Variants in LINGO2 observed in about 807,000 individuals in gnomAD.
The protein encoded by LINGO2 is leucine rich repeat and Ig domain containing 2, also known as leucine-rich repeat and immunoglobulin-like domain-containing nogo receptor-interacting protein 2.
LINGO2 carries 14 observed loss-of-function variants against 30.6 expected under a neutral mutation model. The ratio of observed to expected loss-of-function variants is 0.46; its 90% confidence interval spans 0.30 to 0.72. LINGO2 has a LOEUF of 0.72. Among genes scored for constraint, LINGO2 ranks in the 30% least tolerant of loss-of-function variants. LINGO2 has a pLI of 0.07. For synonymous variants in LINGO2, 317 were observed against 288.5 expected (o/e 1.10, Z -1.00); for missense variants, 729 against 751.7 (o/e 0.97, Z 0.35).
chr9:29,014,466 A>G, the LINGO2 span, among the ~76,000 whole-genome samples: 2 of 152,124 alleles, frequency 1.3e-5, no homozygotes, highest in Admixed American at 6.6e-5. Context: ...AGTCTTCAAA[A>G]CACTTTTAGA....
intron 1 of LINGO2, among the ~76,000 whole-genome samples, chr9:28,534,578 A>T (rs7047452): frequency 0.034 from 5,167 of 152,132 alleles, 249 homozygotes; most frequent in African/African-American, 0.11. Flanking sequence ...TTTTCTTTCT[A>T]AGAAAACTTT....
At chr9:28,319,680 T>G (rs576843788) in intron 3 of LINGO2, among the ~76,000 whole-genome samples, 7 of 151,980 alleles carry the variant, frequency 4.6e-5, no homozygotes, top group Non-Finnish European at 8.8e-5. Context: ...AGGCAGAAAA[T>G]AGATTGGTTG....
chr9:28,101,028 T>G (rs1426836438), intron 4 of LINGO2, among the ~76,000 whole-genome samples: 1 of 152,068 alleles, frequency 6.6e-6, no homozygotes, highest in Non-Finnish European at 1.5e-5. Context: ...TTTGAATATC[T>G]TCTAAAATTA....
intron 1 of LINGO2, among the ~76,000 whole-genome samples, chr9:28,666,972 G>C (rs980990613): frequency 2.8e-4 from 43 of 151,984 alleles, no homozygotes; most frequent in Non-Finnish European, 5.9e-4. Context: ...AAAACATATA[G>C]CTTAAAAAGT....
chr9:29,163,347 C>T, the LINGO2 span, among the ~76,000 whole-genome samples: 2 of 152,194 alleles, frequency 1.3e-5, no homozygotes, highest in Non-Finnish European at 2.9e-5. Flanking sequence ...TCAATATTAA[C>T]TCTTCCTTTG....
the LINGO2 span, among the ~76,000 whole-genome samples, chr9:28,824,204 AGGGG>A: frequency 1.3e-5 from 2 of 152,176 alleles, no homozygotes; most frequent in Non-Finnish European, 2.9e-5. Context: ...CTGGGAATAT[AGGGG>A]GAGAACTTAA....
At chr9:28,028,431 G>T (rs1406422862) in intron 4 of LINGO2, among the ~76,000 whole-genome samples, 1 of 152,066 alleles carries the variant, frequency 6.6e-6, no homozygotes, top group Non-Finnish European at 1.5e-5. Context: ...TATAAAAGGT[G>T]GAAGTAGGAT....
intron 1 of LINGO2, among the ~76,000 whole-genome samples, chr9:28,514,976 T>C (rs961811832): frequency 6.6e-6 from 1 of 151,836 alleles, no homozygotes; most frequent in African/African-American, 2.4e-5. Flanking sequence ...CATCTGTTTA[T>C]AGCATGGTTA....
At chr9:28,812,350 A>AT in the LINGO2 span, among the ~76,000 whole-genome samples, 1 of 152,242 alleles carries the variant, frequency 6.6e-6, no homozygotes, top group Non-Finnish European at 1.5e-5. Context: ...ATGTATCTAA[A>AT]TTTTTTAAAA....
At chr9:28,137,198 GACACACACACAC>G (rs3064725) in intron 4 of LINGO2, among the ~76,000 whole-genome samples, 3 of 148,104 alleles carry the variant, frequency 2.0e-5, no homozygotes, top group Non-Finnish European at 3.0e-5. Context: ...GAAAATCCCT[GACACACACACAC>G]ACACACACAC....
At chr9:29,192,565 T>C in the LINGO2 span, among the ~76,000 whole-genome samples, 1 of 152,110 alleles carries the variant, frequency 6.6e-6, no homozygotes, top group Non-Finnish European at 1.5e-5. Context: ...ATTAACATAT[T>C]TCCTCAAATT....
intron 2 of LINGO2, among the ~76,000 whole-genome samples, chr9:28,436,421 AATTTATTTATTTATTTATTT>A (rs143117895): frequency 0.012 from 1,730 of 138,974 alleles, 36 homozygotes; most frequent in African/African-American, 0.041. Context: ...TAAGGAAGAG[AATTTATTTATTTATTTATTT>A]ATTTATTTAT....
At chr9:28,311,247 A>C (rs958474084) in intron 3 of LINGO2, among the ~76,000 whole-genome samples, 2 of 152,172 alleles carry the variant, frequency 1.3e-5, no homozygotes, top group African/African-American at 4.8e-5. Context: ...ATAGAATATC[A>C]CAAGGCAAAT....
the LINGO2 span, among the ~76,000 whole-genome samples, chr9:28,943,902 G>C: frequency 0.16 from 24,366 of 152,104 alleles, 1,986 homozygotes; most frequent in South Asian, 0.2. Flanking sequence ...GATTAACTTC[G>C]TAAAGGAACC....
upstream of LINGO2, among the ~76,000 whole-genome samples, chr9:28,671,737 G>A (rs902573050): frequency 1.3e-5 from 2 of 151,828 alleles, no homozygotes; most frequent in Non-Finnish European, 2.9e-5. Context: ...CATGTGACAC[G>A]CATTTCCCTA....
At chr9:27,982,944 A>G (rs567616331) in intron 5 of LINGO2, among the ~76,000 whole-genome samples, 3 of 151,920 alleles carry the variant, frequency 2.0e-5, no homozygotes, top group Admixed American at 2.0e-4. Flanking sequence ...TTATCAATCC[A>G]TTGTACATGC....
At chr9:28,872,380 G>A in the LINGO2 span, among the ~76,000 whole-genome samples, 1 of 152,100 alleles carries the variant, frequency 6.6e-6, no homozygotes, top group East Asian at 1.9e-4. Flanking sequence ...TGGAAGACAT[G>A]ACATTTAACA....
chr9:28,792,240 A>C, the LINGO2 span, among the ~76,000 whole-genome samples: 1 of 151,976 alleles, frequency 6.6e-6, no homozygotes, highest in African/African-American at 2.4e-5. Context: ...AAGAGAAGAG[A>C]AAAGAAAGAA....
intron 4 of LINGO2, among the ~76,000 whole-genome samples, chr9:28,119,174 G>A (rs1410767653): frequency 6.6e-6 from 1 of 152,104 alleles, no homozygotes; most frequent in African/African-American, 2.4e-5. Flanking sequence ...ATCATAGGTG[G>A]GTCAATGGAT....
Sources: gnomAD v4.1 joint callset for allele counts (sites outside exome capture counted in the v4.1 genomes callset) on GRCh38, gnomAD v4.1.1 for gene constraint, MANE v1.5 for transcripts, NCBI Gene and HGNC (gene_info 2026-07-23, HGNC 2026-07-21) for gene names.